ATP8A2: variants seen among roughly 807,000 people sequenced by gnomAD.
ATP8A2 encodes ATPase phospholipid transporting 8A2, also known as phospholipid-transporting ATPase IB.
ATP8A2 carries 100 observed loss-of-function variants against 165.6 expected under a neutral mutation model. The observed-to-expected ratio is 0.60, with a 90% confidence interval of 0.51 to 0.71. ATP8A2 has a LOEUF of 0.71. ATP8A2 is among the 30% of genes least tolerant of loss of function. ATP8A2 has a pLI of 0.00. For missense variants in ATP8A2, 1,227 were observed against 1,479.5 expected, an observed-to-expected ratio of 0.83 and a Z score of 2.80; for synonymous variants, 543 against 548.8, an observed-to-expected ratio of 0.99 and a Z score of 0.15.
intron 1 of ATP8A2, among the ~76,000 whole-genome samples, chr13:25,451,711 A>AGTTTT (rs1417616993): frequency 4.6e-5 from 7 of 152,080 alleles, no homozygotes; most frequent in Non-Finnish European, 1.0e-4. Context: ...CCTAACATGG[A>AGTTTT]GTTTTGTTTT....
rs901017725 is a variant in ATP8A2 at position 25,750,149 on chromosome 13, C to T, written c.2385-18897C>T. 3.9e-5 allele frequency among the ~76,000 whole-genome samples: 6 copies of T among 152,154 alleles called. No homozygotes were observed. Among genetic ancestry groups the T allele is most frequent in the African/African-American group, 1.4e-4 (6 of 41,436 alleles). On this transcript the variant is annotated intron_variant, in intron 25 of 36. Transcript: ENST00000381655. This position sits in a 1 kb window ranked among gnomAD's most constrained non-coding sequence, Gnocchi z 4.3. ...ACTTATTTGTGTCCCTCTAAAGCCA[C>T]AGTAAGGAGAACTTCGGTGAAGTCC...
At chr13:25,577,697 A>C (rs2039657700) in intron 20 of ATP8A2, among the ~76,000 whole-genome samples, 1 of 152,202 alleles carries the variant, frequency 6.6e-6, no homozygotes, top group Non-Finnish European at 1.5e-5. Context: ...TTTATCTCAA[A>C]GGAAAGATGT....
At chr13:25,897,428 G>A (rs1268923310) in intron 33 of ATP8A2, among the ~76,000 whole-genome samples, 1 of 152,132 alleles carries the variant, frequency 6.6e-6, no homozygotes, top group Non-Finnish European at 1.5e-5. Context: ...GCTTCCCTTT[G>A]TGGGCAACCC....
intron 24 of ATP8A2, among the ~76,000 whole-genome samples, chr13:25,615,307 G>A (rs2040794557): frequency 6.6e-6 from 1 of 152,154 alleles, no homozygotes; most frequent in Admixed American, 6.6e-5. Context: ...CAGGTCACCA[G>A]GGAAGTTGGG....
intron 24 of ATP8A2, among the ~76,000 whole-genome samples, chr13:25,663,357 T>C (rs967681950): frequency 6.6e-6 from 1 of 152,216 alleles, no homozygotes; most frequent in Non-Finnish European, 1.5e-5. Flanking sequence ...GAATTGAACT[T>C]TTTCTTCGAT....
At chr13:25,567,211 C>T (rs1003491734) in intron 16 of ATP8A2, 6 of 398,912 alleles carry the variant, frequency 1.5e-5, no homozygotes, top group East Asian at 7.7e-5. Context: ...GTCCCTGTGA[C>T]GTTTTGGGGT....
At chr13:25,539,876 C>G (rs1374430709) in intron 7 of ATP8A2, among the ~76,000 whole-genome samples, 1 of 152,178 alleles carries the variant, frequency 6.6e-6, no homozygotes, top group Non-Finnish European at 1.5e-5. Flanking sequence ...AAGCCTGTGC[C>G]TCGATCCTTC....
intron 28 of ATP8A2, 108 bp downstream of exon 28, chr13:25,828,300 T>C (rs1951371565): frequency 1.1e-6 from 1 of 947,672 alleles, no homozygotes; most frequent in African/African-American, 1.6e-5. Context: ...ATCTGTATAC[T>C]TAGCAGGCAG....
intron 25 of ATP8A2, among the ~76,000 whole-genome samples, chr13:25,707,823 A>G (rs1366510185): frequency 1.3e-5 from 2 of 152,184 alleles, no homozygotes; most frequent in Non-Finnish European, 2.9e-5. Flanking sequence ...TCCACTGAGT[A>G]CCTTCACACT....
intron 25 of ATP8A2, among the ~76,000 whole-genome samples, chr13:25,738,345 C>CG (rs1432534324): frequency 3.9e-5 from 5 of 126,794 alleles, no homozygotes; most frequent in South Asian, 2.8e-4. Flanking sequence ...CCCCCTCCCC[C>CG]CCCCCCACAC....
At chr13:25,435,247 A>C (rs2034726139) in intron 1 of ATP8A2, among the ~76,000 whole-genome samples, 1 of 151,802 alleles carries the variant, frequency 6.6e-6, no homozygotes, top group East Asian at 1.9e-4. Flanking sequence ...CAACCTCCCA[A>C]GTAGCTGGGA....
At chr13:25,757,752 A>G (rs2044294439) in intron 25 of ATP8A2, among the ~76,000 whole-genome samples, 1 of 151,718 alleles carries the variant, frequency 6.6e-6, no homozygotes. Context: ...TGTGTTCCTG[A>G]CCCCCAAACC....
At chr13:25,731,101 A>T (rs2043613941) in intron 25 of ATP8A2, among the ~76,000 whole-genome samples, 1 of 146,356 alleles carries the variant, frequency 6.8e-6, no homozygotes, top group African/African-American at 2.5e-5. Context: ...AGAAAGAAAG[A>T]GAGAGAGAGG....
intron 6 of ATP8A2, among the ~76,000 whole-genome samples, chr13:25,533,822 G>GT (rs904802943): frequency 2.6e-5 from 4 of 152,136 alleles, no homozygotes; most frequent in African/African-American, 9.7e-5. Context: ...GAATGGTGTG[G>GT]TTTTTTGGTT....
At chr13:25,432,665 T>C (rs76460513) in intron 1 of ATP8A2, among the ~76,000 whole-genome samples, 1 of 86,404 alleles carries the variant, frequency 1.2e-5, no homozygotes, top group Non-Finnish European at 2.7e-5. Flanking sequence ...CTTCCTGTCA[T>C]TTTTTTTTTT....
chr13:25,423,340 C>T (rs2034352600), intron 1 of ATP8A2, among the ~76,000 whole-genome samples: 1 of 152,162 alleles, frequency 6.6e-6, no homozygotes, highest in African/African-American at 2.4e-5. Flanking sequence ...TAATATATCT[C>T]ATAGTGTGTG....
intron 36 of ATP8A2, among the ~76,000 whole-genome samples, chr13:26,013,537 G>T (rs1308686917): frequency 6.6e-6 from 1 of 152,196 alleles, no homozygotes; most frequent in Non-Finnish European, 1.5e-5. Context: ...AGCTGGGCGT[G>T]ACGGCACATG....
intron 30 of ATP8A2, 120 bp from the exon 31 acceptor site, chr13:25,860,075 G>A: frequency 1.7e-6 from 1 of 585,736 alleles, no homozygotes; most frequent in South Asian, 2.6e-5. Context: ...CACAGGATGG[G>A]ATTTTGAAAT....
chr13:25,720,961 CTTT>C (rs57485267), intron 25 of ATP8A2, among the ~76,000 whole-genome samples: 8 of 129,746 alleles, frequency 6.2e-5, no homozygotes, highest in Admixed American at 1.5e-4. Context: ...GGAGCTTTAG[CTTT>C]TTTTTTTTTT....
Sources: gnomAD v4.1 joint callset for allele counts (sites outside exome capture counted in the v4.1 genomes callset) on GRCh38, gnomAD v4.1.1 for gene constraint, Gnocchi (gnomAD v3.1) non-coding constraint, MANE v1.5 for transcripts, NCBI Gene and HGNC (gene_info 2026-07-23, HGNC 2026-07-21) for gene names.